Variants in KATNBL1 observed in about 807,000 individuals in gnomAD.
KATNBL1 encodes the protein KATNB1-like protein 1.
A neutral mutation model predicts 44.7 loss-of-function variants in KATNBL1; 28 were observed. The ratio of observed to expected loss-of-function variants is 0.63; its 90% CI spans 0.46 to 0.86. The LOEUF is 0.86. KATNBL1 is among the 40% of genes least tolerant of loss of function. KATNBL1 has a pLI of 0.00. For missense variants in KATNBL1, 272 were observed against 350.7 expected, an observed-to-expected ratio of 0.78 and a Z score of 1.79; for synonymous variants, 78 against 114.9, an observed-to-expected ratio of 0.68 and a Z score of 2.06.
intron 3 of KATNBL1, 42 bp from the exon 4 acceptor site, chr15:34,153,111 T>A: frequency 6.9e-7 from 1 of 1,456,156 alleles, no homozygotes; most frequent in Non-Finnish European, 9.3e-7. Flanking sequence ...AAGAACCATA[T>A]GAAATCCTTT....
chr15:34,191,213 A>G (rs996445957), intron 1 of KATNBL1, among the ~76,000 whole-genome samples: 5 of 148,284 alleles, frequency 3.4e-5, no homozygotes, highest in Non-Finnish European at 6.0e-5. Context: ...TTCACTTAGC[A>G]TAACTAGTTT....
chr15:34,165,622 C>A (rs1888943132), intron 1 of KATNBL1, among the ~76,000 whole-genome samples: 1 of 151,938 alleles, frequency 6.6e-6, no homozygotes, highest in Admixed American at 6.6e-5. Context: ...CATGGTGAAA[C>A]CCTGTCTCTA....
intron 1 of KATNBL1, among the ~76,000 whole-genome samples, chr15:34,170,785 A>G (rs1889134788): frequency 6.6e-6 from 1 of 152,316 alleles, no homozygotes; most frequent in South Asian, 2.1e-4. Context: ...ATAACACCAC[A>G]CATCTACAAC....
At chr15:34,188,608 G>A (rs11857608) in intron 1 of KATNBL1, among the ~76,000 whole-genome samples, 18,174 of 152,066 alleles carry the variant, frequency 0.12, 1,193 homozygotes, top group Non-Finnish European at 0.15. Context: ...AAACAAAAAA[G>A]TAGCAGTGTT....
At position 34,154,659 on chromosome 15, in the gene KATNBL1, G is replaced by A; in HGVS notation, c.143C>T (p.Ala48Val). The A allele has an allele frequency of 6.3e-7, 1 of 1,585,860 alleles. No homozygotes were observed. The highest frequency in any genetic ancestry group is 8.7e-7 in the Non-Finnish European group (1 of 1,154,508). ...AAACTCTTACCTATTTATGTAAGCA[G>A]CCAACTGTTTTGGAGATTTCTTAAC... is the stretch of plus-strand genomic sequence containing the variant. ...KEVKKSPKQL[A>V]AYINRTVGQT... is the part of the protein sequence containing the mutation. Residue 48 changes from alanine to valine, a missense_variant, in exon 3 of 10, where the codon GCT becomes GTT. Coordinates refer to ENST00000256544, the MANE Select transcript of KATNBL1 (RefSeq NM_024713.3).
intron 1 of KATNBL1, chr15:34,209,118 G>A (rs1890366493): frequency 1.3e-5 from 2 of 152,180 alleles, no homozygotes; most frequent in African/African-American, 4.8e-5. Flanking sequence ...TATTAGCCAA[G>A]TAAAAGCCTC....
intron 1 of KATNBL1, among the ~76,000 whole-genome samples, chr15:34,196,413 G>A (rs1890031074): frequency 6.6e-6 from 1 of 151,772 alleles, no homozygotes; most frequent in Admixed American, 6.6e-5. Context: ...GCGAGACTTT[G>A]TCTCAAAAAT....
chr15:34,200,107 C>T (rs1195804040), intron 1 of KATNBL1, among the ~76,000 whole-genome samples: 1 of 152,194 alleles, frequency 6.6e-6, no homozygotes, highest in Non-Finnish European at 1.5e-5. Context: ...TTACAATCCT[C>T]TGGCTAGACA....
chr15:34,180,309 C>T (rs1340687083), intron 1 of KATNBL1, among the ~76,000 whole-genome samples: 1 of 151,872 alleles, frequency 6.6e-6, no homozygotes, highest in Admixed American at 6.6e-5. Flanking sequence ...TATATAGGAG[C>T]CTTTATAGCA....
intron 4 of KATNBL1, among the ~76,000 whole-genome samples, chr15:34,151,760 T>C (rs1390110491): frequency 6.6e-6 from 1 of 152,152 alleles, no homozygotes; most frequent in Admixed American, 6.6e-5. Context: ...GGTTTCGCCA[T>C]GTTGGCCAGG....
chr15:34,162,561 T>C (rs544230521), intron 2 of KATNBL1, among the ~76,000 whole-genome samples: 2 of 152,348 alleles, frequency 1.3e-5, no homozygotes, highest in Admixed American at 6.5e-5. Context: ...AATTATATTG[T>C]AACTTACAGG....
intron 1 of KATNBL1, among the ~76,000 whole-genome samples, chr15:34,192,571 G>A (rs1889907594): frequency 6.6e-6 from 1 of 152,110 alleles, no homozygotes; most frequent in Admixed American, 6.5e-5. Context: ...AGAGGGTGGT[G>A]GTCTCTTCAA....
chr15:34,205,479 G>T (rs1890271043), intron 1 of KATNBL1, among the ~76,000 whole-genome samples: 1 of 152,180 alleles, frequency 6.6e-6, no homozygotes, highest in African/African-American at 2.4e-5. Context: ...GAAATGTCAA[G>T]CTGGCACTTA....
intron 9 of KATNBL1, among the ~76,000 whole-genome samples, chr15:34,144,653 C>T (rs1300960244): frequency 6.6e-6 from 1 of 151,988 alleles, no homozygotes; most frequent in Non-Finnish European, 1.5e-5. Context: ...TCACCACAAC[C>T]TCCGCCTCCC....
intron 1 of KATNBL1, among the ~76,000 whole-genome samples, chr15:34,181,370 A>G (rs1385912688): frequency 6.6e-6 from 1 of 151,934 alleles, no homozygotes; most frequent in Non-Finnish European, 1.5e-5. Flanking sequence ...CTGATTTGCT[A>G]CACCAAGACT....
chr15:34,199,898 T>A (rs942909118), intron 1 of KATNBL1: 1 of 152,198 alleles, frequency 6.6e-6, no homozygotes, highest in African/African-American at 2.4e-5. Context: ...CGGTTGCCAC[T>A]AGGGCTAGGT....
Position 34,146,822 on chromosome 15 carries a change from G to C in KATNBL1, c.727C>G (p.Gln243Glu), listed in dbSNP as rs1251763189. Residue 243 changes from glutamine to glutamate, a missense_variant, in exon 8 of 10, where the codon CAA (glutamine) becomes GAA (glutamate). Transcript: ENST00000256544. ...EYVIVGLNWLQAVIKRWWSEL... is the reference protein window; with the variant it reads ...EYVIVGLNWLEAVIKRWWSEL... ...GACCACCACCTTTTAATGACTGCTTGAAGCCAGTTTAAACCAACTATAACA... is the reference window on the plus strand; with the variant it reads ...GACCACCACCTTTTAATGACTGCTTCAAGCCAGTTTAAACCAACTATAACA... The C allele has an allele frequency of 1.2e-6, 2 of 1,608,598 alleles. No homozygotes were observed. The highest frequency in any genetic ancestry group is 4.5e-5 in the East Asian group (2 of 44,774).
chr15:34,171,391 G>A (rs1030795099), intron 1 of KATNBL1, among the ~76,000 whole-genome samples: 11 of 152,250 alleles, frequency 7.2e-5, no homozygotes, highest in Middle Eastern at 3.4e-3. Flanking sequence ...ATGAGATACC[G>A]TCTCATGCCA....
intron 1 of KATNBL1, among the ~76,000 whole-genome samples, chr15:34,181,053 T>C (rs191992595): frequency 1.3e-5 from 2 of 152,330 alleles, no homozygotes; most frequent in Middle Eastern, 3.4e-3. Flanking sequence ...GCCACCAGTC[T>C]TCTCCTGGTC....
Sources: allele counts gnomAD v4.1 joint callset (sites outside exome capture counted in the v4.1 genomes callset), GRCh38; gene constraint gnomAD v4.1.1; transcripts MANE v1.5; gene names NCBI Gene and HGNC (gene_info 2026-07-23, HGNC 2026-07-21).